The following EFCAB14 variants were observed in gnomAD, a reference collection of about 807,000 sequenced individuals.
EFCAB14 encodes the protein EF-hand calcium-binding domain-containing protein 14.
In EFCAB14, 43 loss-of-function variants were observed where a neutral mutation model predicts 56.5. The observed-to-expected ratio is 0.76, with a 90% CI of 0.60 to 0.98. The LOEUF is 0.98. EFCAB14 is among the 50% of genes least tolerant of loss of function. EFCAB14 has a pLI of 0.00. For synonymous variants in EFCAB14, 235 were observed against 212.9 expected (o/e 1.10, Z -0.90); for missense variants, 538 against 580.3 (o/e 0.93, Z 0.75).
intron 4 of EFCAB14, chr1:46,692,163 TTC>T: frequency 2.6e-6 from 1 of 390,730 alleles, no homozygotes; most frequent in Admixed American, 4.4e-5. Flanking sequence ...CTGATCCACT[TTC>T]TGTCACAATA....
chr1:46,707,014 ACTC>A (rs1047409735), intron 3 of EFCAB14, among the ~76,000 whole-genome samples: 39 of 152,002 alleles, frequency 2.6e-4, no homozygotes, highest in African/African-American at 9.2e-4. Flanking sequence ...GAACTGCCCC[ACTC>A]CTGGACCATT....
chr1:46,716,248 CAAAAAAAAAAAA>C (rs10718376), intron 2 of EFCAB14, 35 bp downstream of exon 2: 12 of 1,053,862 alleles, frequency 1.1e-5, no homozygotes, highest in Admixed American at 8.0e-5. Context: ...GACCCTGTCT[CAAAAAAAAAAAA>C]AAAAAAAAAA....
intron 4 of EFCAB14, 64 bp from the exon 5 acceptor site, chr1:46,692,001 G>T: frequency 8.7e-7 from 1 of 1,152,356 alleles, no homozygotes; most frequent in Non-Finnish European, 1.3e-6. Context: ...GCAATAAACT[G>T]TACATATTCA....
At chr1:46,711,468 C>T (rs771250149) in intron 2 of EFCAB14, among the ~76,000 whole-genome samples, 1 of 152,146 alleles carries the variant, frequency 6.6e-6, no homozygotes, top group Non-Finnish European at 1.5e-5. Context: ...TAAAGCTGAC[C>T]AGCCCTGAAA....
rs1394451465 is a variant in EFCAB14, at chr1:46,675,505, A to G, written c.*2956T>C. 6.6e-6 allele frequency: 1 copy of G among 152,630 alleles called. No homozygotes were observed. The highest frequency in any genetic ancestry group is 2.4e-5 in the African/African-American group (1 of 41,438). 9.5% of individuals were successfully genotyped at this position (152,630 alleles called of 1,614,324 possible). A position where few individuals can be genotyped will look rare whatever the true frequency, so the allele number is the denominator to read the frequency against. ...GTGCAGCAAACAAAACCTGTCACTA[A>G]AAACAACTCAACAGGCCATTATGAG... On this transcript the variant is annotated 3_prime_UTR_variant, in exon 11 of 11. Coordinates refer to ENST00000371933, the MANE Select transcript of EFCAB14 (RefSeq NM_014774.3).
rs940384477 is a variant in EFCAB14, at chr1:46,676,613, AG to A, written c.*1847del. The A allele has an allele frequency of 2.4e-4, 37 of 152,622 alleles. No individual in the cohort carries two copies. Among genetic ancestry groups the A allele is most frequent in the African/African-American group, 8.4e-4 (35 of 41,446 alleles). 9.5% of individuals were successfully genotyped at this position (152,622 alleles called of 1,614,324 possible). Reference sequence around the variant, plus strand: ...TTATTTGGTTGTTAGAAAATCTGTAAGGGTGTATATATATTAAAAAAAGGTG... The same window carrying A: ...TTATTTGGTTGTTAGAAAATCTGTAAGGTGTATATATATTAAAAAAAGGTG... On this transcript the variant is annotated 3_prime_UTR_variant, in exon 11 of 11. Transcript: ENST00000371933.
At chr1:46,709,288 G>A (rs1038917993) in intron 2 of EFCAB14, among the ~76,000 whole-genome samples, 30 of 152,124 alleles carry the variant, frequency 2.0e-4, no homozygotes, top group Admixed American at 2.0e-4. Flanking sequence ...TGGCCAAGCT[G>A]ATCTTCCTGA....
Position 46,688,297 on chromosome 1 carries a change from T to C in EFCAB14, c.987+56A>G, listed in dbSNP as rs181042489. ...GCTGTTCTCAAAAGGTGGTAGAATG[T>C]TATCCATGCACAGACAAAACACACT... On this transcript the variant is annotated intron_variant, in intron 7 of 10. Coordinates refer to ENST00000371933, the MANE Select transcript of EFCAB14 (RefSeq NM_014774.3). 22 of 1,530,172 alleles carry C rather than the reference T, an allele frequency of 1.4e-5. No homozygotes were observed. The East Asian group carries it at 1.8e-4, about 13-fold the overall frequency. 94.8% of individuals were successfully genotyped at this position (1,530,172 alleles called of 1,614,324 possible).
Position 46,689,747 on chromosome 1 carries a change from ACTAT to A in EFCAB14, c.691-60_691-57del. 5.5e-6 allele frequency: 8 copies of A among 1,457,692 alleles called. No homozygotes were observed. In the South Asian group the frequency reaches 6.8e-5, roughly 12 times the overall value. The allele number at this position is 1,457,692 out of a possible 1,614,324, so 90.3% of individuals were successfully genotyped here. ...AACAAGGAATTATTAGGTCTACTTAACTATCTGAGATTGTCCTAGAACATTCTAG... is the reference window on the plus strand; with the variant it reads ...AACAAGGAATTATTAGGTCTACTTAACTGAGATTGTCCTAGAACATTCTAG... On this transcript the variant is annotated intron_variant, in intron 5 of 10. Transcript: ENST00000371933.
intron 8 of EFCAB14, among the ~76,000 whole-genome samples, chr1:46,686,479 T>C (rs1457511823): frequency 1.3e-5 from 2 of 152,228 alleles, no homozygotes; most frequent in African/African-American, 2.4e-5. Flanking sequence ...TCATGATTCA[T>C]GACCTGTTCA....
In EFCAB14 at chr1:46,676,044, C is replaced by T. The variant is rs1375507457; in HGVS notation, c.*2417G>A. ...ACTACAGCTAAATACAAGTCACAGG[C>T]TTAGTAAGTTAAGACAACATACAAA... On this transcript the variant is annotated 3_prime_UTR_variant, in exon 11 of 11. Transcript: ENST00000371933. 1 of 152,186 alleles carries T rather than the reference C, an allele frequency of 6.6e-6. No homozygotes were observed. Among genetic ancestry groups the T allele is most frequent in the Non-Finnish European group, 1.5e-5 (1 of 68,032 alleles). 9.4% of individuals were successfully genotyped at this position (152,186 alleles called of 1,614,324 possible).
At chr1:46,712,238 C>T (rs1677320434) in intron 2 of EFCAB14, among the ~76,000 whole-genome samples, 1 of 152,182 alleles carries the variant, frequency 6.6e-6, no homozygotes, top group South Asian at 2.1e-4. Flanking sequence ...GCTAAATGAC[C>T]AAGTCACTAC....
At chr1:46,716,523 C>T (rs1475001026) in intron 1 of EFCAB14, 80 bp from the exon 2 acceptor site, 2 of 1,508,248 alleles carry the variant, frequency 1.3e-6, no homozygotes, top group Non-Finnish European at 1.8e-6. Context: ...CACGTTTTGC[C>T]ATGCAATTAT....
Position 46,696,555 on chromosome 1 carries a change from T to G in EFCAB14, c.575A>C (p.Gln192Pro). ...GTACCCACACATGGCACCTACCTTCTGAAGTCCCTCTACAGTGGTAGGCAG... is the reference window on the plus strand; with the variant it reads ...GTACCCACACATGGCACCTACCTTCGGAAGTCCCTCTACAGTGGTAGGCAG... Reference protein sequence around the residue: ...ISLPTTVEGLQKSVASIGNTL... With the variant: ...ISLPTTVEGLPKSVASIGNTL... The change falls in exon 4 of 11, where the codon CAG (glutamine) becomes CCG (proline). Residue 192 changes from glutamine (Q) to proline (P), a missense_variant. Gln to Pro is a moderately conservative substitution (Grantham distance 76, BLOSUM62 -1). Coordinates refer to ENST00000371933, the MANE Select transcript of EFCAB14 (RefSeq NM_014774.3). 1 of 1,613,218 alleles carries G rather than the reference T, an allele frequency of 6.2e-7. No individual in the cohort carries two copies. The highest frequency in any genetic ancestry group is 8.5e-7 in the Non-Finnish European group (1 of 1,179,386).
At chr1:46,701,668 G>A (rs1677160760) in intron 3 of EFCAB14, among the ~76,000 whole-genome samples, 2 of 152,212 alleles carry the variant, frequency 1.3e-5, no homozygotes, top group Non-Finnish European at 2.9e-5. Flanking sequence ...GCAGGATCGA[G>A]TGAGGTGCTG....
chr1:46,692,486 C>A (rs1179850449), intron 4 of EFCAB14, among the ~76,000 whole-genome samples: 1 of 152,212 alleles, frequency 6.6e-6, no homozygotes, highest in Non-Finnish European at 1.5e-5. Flanking sequence ...TAATACCTAG[C>A]AGGTGAATGG....
chr1:46,706,658 A>T (rs1009939800), intron 3 of EFCAB14, among the ~76,000 whole-genome samples: 1 of 152,216 alleles, frequency 6.6e-6, no homozygotes, highest in Admixed American at 6.5e-5. Context: ...GTGTGAATTT[A>T]GGCAAGGCCA....
intron 8 of EFCAB14, among the ~76,000 whole-genome samples, chr1:46,685,957 G>T (rs1036075259): frequency 2.0e-5 from 3 of 152,156 alleles, no homozygotes; most frequent in African/African-American, 7.2e-5. Flanking sequence ...GAAAAATAAA[G>T]ATATAAAGCA....
intron 7 of EFCAB14, 65 bp from the exon 8 acceptor site, chr1:46,686,935 C>T: frequency 1.4e-6 from 2 of 1,458,606 alleles, no homozygotes; most frequent in South Asian, 1.2e-5. Flanking sequence ...AAAACTTGAA[C>T]ACCTAGCACT....
Sources: allele counts gnomAD v4.1 joint callset (sites outside exome capture counted in the v4.1 genomes callset), GRCh38; gene constraint gnomAD v4.1.1; transcripts MANE v1.5; gene names NCBI Gene and HGNC (gene_info 2026-07-23, HGNC 2026-07-21).